The following KNG1 variants were observed in gnomAD, a reference collection of about 807,000 sequenced individuals.
The protein encoded by KNG1 is kininogen 1.
KNG1 carries 23 observed loss-of-function variants against 47.8 expected under a neutral mutation model. The ratio of observed to expected loss-of-function variants is 0.48; its 90% CI spans 0.35 to 0.68. KNG1 has a LOEUF of 0.68. Among genes scored for constraint, KNG1 ranks in the 30% least tolerant of loss-of-function variants. The pLI is 0.01. For missense variants in KNG1, 762 were observed against 790.2 expected (o/e 0.96, Z 0.43); for synonymous variants, 277 against 277.0 (o/e 1.00, Z 0.00).
chr3:186,719,419 G>A (rs1412021326), intron 1 of KNG1, among the ~76,000 whole-genome samples: 1 of 152,102 alleles, frequency 6.6e-6, no homozygotes, highest in East Asian at 1.9e-4. Flanking sequence ...AGTCATATAC[G>A]TTCATTAGGG....
chr3:186,741,705 A>G lies in KNG1; in HGVS notation c.1309A>G (p.Arg437Gly), dbSNP rs921327309. Reference protein sequence around the residue: ...RRHDWGHEKQRKHNLGHGHKH... With the variant: ...RRHDWGHEKQGKHNLGHGHKH... Reference sequence around the variant, plus strand: ...ACATGACTGGGGCCATGAAAAACAAAGAAAACATAATCTTGGCCATGGCCA... The same window carrying G: ...ACATGACTGGGGCCATGAAAAACAAGGAAAACATAATCTTGGCCATGGCCA... The change falls in exon 10 of 10, where the codon AGA becomes GGA. Residue 437 changes from arginine to glycine, a missense_variant. By Grantham distance (125) the Arg-to-Gly change is moderately radical. Transcript: ENST00000644859. 9 of 1,614,254 alleles carry G rather than the reference A, an allele frequency of 5.6e-6. No homozygotes were observed. The highest frequency in any genetic ancestry group is 7.6e-6 in the Non-Finnish European group (9 of 1,180,040).
Position 186,743,507 on chromosome 3 carries a change from T to G in KNG1, c.*1176T>G, listed in dbSNP as rs1720867190. ...TTAAATAGCTACAATCATCTTTGGA[T>G]GTATATGTCACTGCTGCTTCAAGTT... On this transcript the variant is annotated 3_prime_UTR_variant, in exon 10 of 10. Transcript: ENST00000644859. The G allele has an allele frequency of 1.7e-6, 1 of 589,918 alleles. No homozygotes were observed. Among genetic ancestry groups the G allele is most frequent in the Non-Finnish European group, 3.0e-6 (1 of 330,598 alleles). 36.5% of individuals were successfully genotyped at this position (589,918 alleles called of 1,614,324 possible).
At chr3:186,723,450 T>C (rs1364130713) in intron 3 of KNG1, among the ~76,000 whole-genome samples, 1 of 152,186 alleles carries the variant, frequency 6.6e-6, no homozygotes, top group African/African-American at 2.4e-5. Context: ...CTCTGGTATC[T>C]GTCATTCTCT....
Position 186,722,425 on chromosome 3 carries a change from TTTTC to T in KNG1, c.307-8_307-5del, listed in dbSNP as rs762650446. On this transcript the variant is annotated splice_polypyrimidine_tract_variant and splice_region_variant and intron_variant, in intron 2 of 9. Transcript: ENST00000644859. ...AAGATTAAGATAAATGATCTCTTTC[TTTTC>T]TTTTTAGGCCACTGGAGAATGCACG... 5 of 1,605,004 alleles carry T rather than the reference TTTTC, an allele frequency of 3.1e-6. No homozygotes were observed. The highest frequency in any genetic ancestry group is 3.3e-5 in the Admixed American group (2 of 59,946).
Position 186,743,764 on chromosome 3 carries a change from A to C in KNG1, c.*1433A>C. The C allele has an allele frequency of 1.2e-6, 2 of 1,614,112 alleles. No individual in the cohort carries two copies. Among genetic ancestry groups the C allele is most frequent in the Non-Finnish European group, 1.7e-6 (2 of 1,179,950 alleles). ...CCCCAAAGGCAGGGGCAGAGCCAGC[A>C]TCTGAGAGGGAGGTCTCTTGACCAA... On this transcript the variant is annotated 3_prime_UTR_variant, in exon 10 of 10. Coordinates refer to ENST00000644859, the MANE Select transcript of KNG1 (RefSeq NM_001102416.3).
At chr3:186,730,154 T>G (rs986437126) in intron 5 of KNG1, among the ~76,000 whole-genome samples, 38 of 52,908 alleles carry the variant, frequency 7.2e-4, no homozygotes, top group African/African-American at 3.1e-3. Context: ...TGTTATTTTG[T>G]TTTTTTTTTC....
chr3:186,739,679 G>A (rs1358314725), intron 9 of KNG1, among the ~76,000 whole-genome samples: 1 of 152,222 alleles, frequency 6.6e-6, no homozygotes, highest in African/African-American at 2.4e-5. Flanking sequence ...TGCTGTGGGG[G>A]AGCAACATTG....
At chr3:186,730,655 C>CAAAAAAAAAAA (rs869232105) in intron 5 of KNG1, among the ~76,000 whole-genome samples, 3 of 80,118 alleles carry the variant, frequency 3.7e-5, no homozygotes, top group African/African-American at 9.9e-5. Context: ...GACTCCATCA[C>CAAAAAAAAAAA]AAAAAAAAAA....
intron 7 of KNG1, chr3:186,738,303 T>C (rs888048973): frequency 6.6e-6 from 1 of 152,126 alleles, no homozygotes; most frequent in African/African-American, 2.4e-5. Flanking sequence ...ATATTAAAAA[T>C]AGTAAGAGAA....
In KNG1 at chr3:186,730,153, G is replaced by GT. The variant is rs34650598; in HGVS notation, c.673-1382dup. Among the ~76,000 whole-genome samples, 962 of 147,760 alleles carry GT rather than the reference G, an allele frequency of 6.5e-3. 5 individuals are homozygous for GT. Among genetic ancestry groups the GT allele is most frequent in the African/African-American group, 0.022 (884 of 40,446 alleles). ...ATGGAATTCTCATTTTTGTTATTTT[G>GT]TTTTTTTTTTCCTTATCCAAGAAAG... is the stretch of plus-strand genomic sequence containing the variant. On this transcript the variant is annotated intron_variant, in intron 5 of 9. Coordinates refer to ENST00000644859, the MANE Select transcript of KNG1 (RefSeq NM_001102416.3).
At chr3:186,721,158 T>C (rs1285716981) in intron 2 of KNG1, 2 of 152,174 alleles carry the variant, frequency 1.3e-5, no homozygotes, top group Non-Finnish European at 2.9e-5. Flanking sequence ...TCTCTTTTCA[T>C]GGATTGATTC....
At chr3:186,723,449 CTG>C (rs1720262701) in intron 3 of KNG1, among the ~76,000 whole-genome samples, 1 of 152,160 alleles carries the variant, frequency 6.6e-6, no homozygotes, top group African/African-American at 2.4e-5. Flanking sequence ...CCTCTGGTAT[CTG>C]TCATTCTCTT....
chr3:186,725,716 T>A (rs1205237730), intron 4 of KNG1, among the ~76,000 whole-genome samples: 25 of 150,798 alleles, frequency 1.7e-4, no homozygotes, highest in African/African-American at 2.9e-4. Flanking sequence ...GCTAATTTTT[T>A]TTATTATTAT....
chr3:186,742,001 T>C lies in KNG1; in HGVS notation c.1605T>C (p.Ser535=), dbSNP rs1371642459. 8.1e-6 allele frequency: 13 copies of C among 1,614,112 alleles called. No homozygotes were observed. The highest frequency in any genetic ancestry group is 1.1e-5 in the South Asian group (1 of 91,092). ...ASSSEDSTTP[S]AQTQEKTEGP... is the part of the protein sequence containing the mutation. ...CTTCTGAAGACAGTACTACACCTTC[T>C]GCACAGACACAAGAGAAGACAGAAG... The change falls in exon 10 of 10, where the codon TCT becomes TCC. Residue 535 remains serine (S), a synonymous_variant. Coordinates refer to ENST00000644859, the MANE Select transcript of KNG1 (RefSeq NM_001102416.3).
chr3:186,725,571 GTC>G (rs796402515), intron 4 of KNG1, among the ~76,000 whole-genome samples: 5 of 34,350 alleles, frequency 1.5e-4, no homozygotes, highest in African/African-American at 5.9e-4. Flanking sequence ...TTGAGACAGA[GTC>G]TCTCTCTGTC....
Position 186,742,927 on chromosome 3 carries a change from G to A in KNG1, c.*596G>A. The A allele has an allele frequency of 1.0e-6, 1 of 983,292 alleles. No individual in the cohort carries two copies. The highest frequency in any genetic ancestry group is 1.2e-6 in the Non-Finnish European group (1 of 828,152). 60.9% of individuals were successfully genotyped at this position (983,292 alleles called of 1,614,324 possible). A position where few individuals can be genotyped will look rare whatever the true frequency, so the allele number is the denominator to read the frequency against. The stretch of plus-strand genomic sequence containing the variant: ...AAAGAAATAATAAGAAAAACTTCCA[G>A]ATTTCAAAGTAACAAGAAAGAAGAC... On this transcript the variant is annotated 3_prime_UTR_variant, in exon 10 of 10. Coordinates refer to ENST00000644859, the MANE Select transcript of KNG1 (RefSeq NM_001102416.3).
Position 186,727,333 on chromosome 3 carries a change from C to T in KNG1, c.661C>T (p.Leu221Phe). ...GTTCTTAACTCCAGACTGCAAGTCCCTTTGGAATGGTGTAAGTAGGCAAAA... is the reference window on the plus strand; with the variant it reads ...GTTCTTAACTCCAGACTGCAAGTCCTTTTGGAATGGTGTAAGTAGGCAAAA... ...FLFLTPDCKSLWNGDTGECTD... is the reference protein window; with the variant it reads ...FLFLTPDCKSFWNGDTGECTD... The change falls in exon 5 of 10, where the codon CTT (leucine) becomes TTT (phenylalanine). Residue 221 changes from leucine (L) to phenylalanine (F), a missense_variant. Physicochemically the swap from Leu to Phe is conservative, Grantham distance 22 (BLOSUM62 0). Transcript: ENST00000644859. 18 of 1,609,138 alleles carry T rather than the reference C, an allele frequency of 1.1e-5. No individual in the cohort carries two copies. Among genetic ancestry groups the T allele is most frequent in the Non-Finnish European group, 1.5e-5 (18 of 1,175,572 alleles).
At chr3:186,730,655 C>CAA (rs869232105) in intron 5 of KNG1, among the ~76,000 whole-genome samples, 55 of 80,106 alleles carry the variant, frequency 6.9e-4, no homozygotes, top group Non-Finnish European at 8.6e-4. Context: ...GACTCCATCA[C>CAA]AAAAAAAAAA....
At chr3:186,727,432 G>A (rs1720405549) in intron 5 of KNG1, 88 bp downstream of exon 5, 13 of 844,332 alleles carry the variant, frequency 1.5e-5, no homozygotes, top group South Asian at 2.7e-5. Flanking sequence ...AGACTGTCAC[G>A]AAAAGTTTAG....
Sources: allele counts gnomAD v4.1 joint callset (sites outside exome capture counted in the v4.1 genomes callset), GRCh38; gene constraint gnomAD v4.1.1; transcripts MANE v1.5; gene names NCBI Gene and HGNC (gene_info 2026-07-23, HGNC 2026-07-21).